Variants in GLRB observed in about 807,000 individuals in gnomAD.
GLRB encodes glycine receptor beta.
GLRB carries 33 observed loss-of-function variants against 54.2 expected under a neutral mutation model. The ratio of observed to expected loss-of-function variants is 0.61; its 90% confidence interval spans 0.46 to 0.81. The LOEUF (loss-of-function observed/expected upper bound fraction) is 0.81, where lower values mean the gene tolerates loss of function less well. Ranked by LOEUF, GLRB falls within the 40% of genes least tolerant of loss-of-function variation. The pLI is 0.00. For synonymous variants in GLRB, 209 were observed against 208.2 expected, an observed-to-expected ratio of 1.00 and a Z score of -0.03; for missense variants, 572 against 584.6, an observed-to-expected ratio of 0.98 and a Z score of 0.22.
intron 4 of GLRB, among the ~76,000 whole-genome samples, chr4:157,127,365 T>C (rs1345322059): frequency 6.6e-6 from 1 of 151,840 alleles, no homozygotes; most frequent in African/African-American, 2.4e-5. Flanking sequence ...ACTGATTTCA[T>C]ATTTATTTTT....
intron 9 of GLRB, among the ~76,000 whole-genome samples, 165 bp from the exon 10 acceptor site, chr4:157,170,267 C>G (rs564058768): frequency 8.5e-5 from 13 of 152,162 alleles, no homozygotes; most frequent in Non-Finnish European, 1.5e-4. Flanking sequence ...CCTAAATGCT[C>G]AGGCAATCTG....
Position 157,171,031 on chromosome 4 carries a change from G to A in GLRB, c.*303G>A, listed in dbSNP as rs531802317. 2 of 191,650 alleles carry A rather than the reference G, an allele frequency of 1.0e-5. No homozygotes were observed. The highest frequency in any genetic ancestry group is 1.7e-4 in the South Asian group (1 of 5,898). 11.9% of individuals were successfully genotyped at this position (191,650 alleles called of 1,614,324 possible). ...GTTAGTGTAAACTGCAAATACTACAGATAATTCTGATAATAAAATGATATG... is the reference window on the plus strand; with the variant it reads ...GTTAGTGTAAACTGCAAATACTACAAATAATTCTGATAATAAAATGATATG... On this transcript the variant is annotated 3_prime_UTR_variant, in exon 10 of 10. Transcript: ENST00000264428.
intron 9 of GLRB, among the ~76,000 whole-genome samples, chr4:157,161,124 G>T (rs966292630): frequency 6.6e-6 from 1 of 152,070 alleles, no homozygotes; most frequent in South Asian, 2.1e-4. Context: ...GTTGGTTTAA[G>T]TCTGTTTTAT....
rs199963290 is a variant in GLRB, at chr4:157,138,899, A to G, written c.701A>G (p.Lys234Arg). Residue 234 changes from lysine to arginine, a missense_variant, in exon 7 of 10, where the codon AAA becomes AGA. Transcript: ENST00000264428. ...EKIALPQFDI[K>R]KEDIEYGNCT... ...ATTGCCTTGCCTCAATTTGATATCA[A>G]AAAGGAAGATATTGAATATGGTAAC... The G allele has an allele frequency of 1.3e-5, 19 of 1,487,328 alleles. No individual in the cohort carries two copies. Among genetic ancestry groups the G allele is most frequent in the South Asian group, 4.5e-5 (4 of 87,980 alleles). 92.1% of individuals were successfully genotyped at this position (1,487,328 alleles called of 1,614,324 possible). A position where few individuals can be genotyped will look rare whatever the true frequency, so the allele number is the denominator to read the frequency against.
chr4:157,097,762 C>T (rs181491689), intron 2 of GLRB, among the ~76,000 whole-genome samples: 2 of 152,266 alleles, frequency 1.3e-5, no homozygotes, highest in East Asian at 1.9e-4. Context: ...GGCTCACGCC[C>T]GTAATCCCAG....
intron 8 of GLRB, 106 bp from the exon 9 acceptor site, chr4:157,152,612 A>T (rs1006409011): frequency 1.5e-5 from 13 of 867,466 alleles, no homozygotes; most frequent in Non-Finnish European, 2.6e-5. Flanking sequence ...CAAATTGTTC[A>T]TGGGTCATTG....
chr4:157,085,958 G>A (rs998405492), intron 2 of GLRB, among the ~76,000 whole-genome samples: 9 of 151,986 alleles, frequency 5.9e-5, no homozygotes, highest in African/African-American at 2.2e-4. Flanking sequence ...ATGTGTGTAG[G>A]TATGTATATA....
rs193296538 is a variant in GLRB, at chr4:157,167,893, A to T, written c.1198-2539A>T. The stretch of plus-strand genomic sequence containing the variant: ...ATGTCAGATGGCAAGAGTGGGAGTG[A>T]GAGGGAGGGCAGGTGCTAGGCTCTT... On this transcript the variant is annotated intron_variant, in intron 9 of 9. Coordinates refer to ENST00000264428, the MANE Select transcript of GLRB (RefSeq NM_000824.5). Among the ~76,000 whole-genome samples the T allele has an allele frequency of 3.5e-4, 54 of 152,196 alleles. No individual in the cohort carries two copies. In the East Asian group the frequency reaches 9.1e-3, roughly 26 times the overall value.
At chr4:157,109,731 C>T (rs1045127561) in intron 2 of GLRB, among the ~76,000 whole-genome samples, 8 of 151,964 alleles carry the variant, frequency 5.3e-5, no homozygotes, top group Admixed American at 5.3e-4. Flanking sequence ...CTGATCATGT[C>T]CTTGGGTTTG....
At chr4:157,140,295 T>G (rs953947023) in intron 7 of GLRB, among the ~76,000 whole-genome samples, 2 of 151,982 alleles carry the variant, frequency 1.3e-5, no homozygotes, top group Non-Finnish European at 2.9e-5. Flanking sequence ...AGCCACTCCT[T>G]TATTTAACAC....
At chr4:157,131,315 T>G (rs1303512253) in intron 4 of GLRB, among the ~76,000 whole-genome samples, 1 of 151,746 alleles carries the variant, frequency 6.6e-6, no homozygotes, top group Non-Finnish European at 1.5e-5. Flanking sequence ...TTTTTAAGAG[T>G]AGACTCGATG....
intron 8 of GLRB, among the ~76,000 whole-genome samples, chr4:157,149,485 T>TAAA (rs907334763): frequency 2.0e-5 from 3 of 152,122 alleles, no homozygotes; most frequent in Non-Finnish European, 2.9e-5. Flanking sequence ...TAGTTTCTGC[T>TAAA]AAAGGGAATA....
chr4:157,169,077 T>C (rs955319346), intron 9 of GLRB, among the ~76,000 whole-genome samples: 2 of 152,078 alleles, frequency 1.3e-5, no homozygotes, highest in Non-Finnish European at 2.9e-5. Context: ...TTTTATTTAT[T>C]GTGTGAGGTA....
intron 2 of GLRB, among the ~76,000 whole-genome samples, chr4:157,115,629 A>G (rs1015987845): frequency 1.3e-5 from 2 of 151,780 alleles, no homozygotes; most frequent in African/African-American, 4.8e-5. Flanking sequence ...GAATTTCTTA[A>G]CTTGTGGTCT....
intron 2 of GLRB, among the ~76,000 whole-genome samples, chr4:157,111,758 G>T (rs1010186017): frequency 4.0e-5 from 6 of 151,868 alleles, no homozygotes; most frequent in African/African-American, 1.5e-4. Flanking sequence ...AGAGTCATAT[G>T]CAGTCCCTCA....
chr4:157,077,556 A>G (rs900547040), intron 1 of GLRB, among the ~76,000 whole-genome samples: 3 of 152,112 alleles, frequency 2.0e-5, no homozygotes, highest in African/African-American at 7.2e-5. Context: ...ACTTCAAACA[A>G]TATAAAAATT....
intron 2 of GLRB, among the ~76,000 whole-genome samples, chr4:157,079,893 C>T (rs1330122656): frequency 1.3e-5 from 2 of 152,128 alleles, no homozygotes; most frequent in African/African-American, 4.8e-5. Flanking sequence ...GTCATATAGT[C>T]ACCGTAATTC....
chr4:157,162,678 C>G (rs560351662), intron 9 of GLRB, among the ~76,000 whole-genome samples: 3 of 152,258 alleles, frequency 2.0e-5, no homozygotes, highest in African/African-American at 7.2e-5. Flanking sequence ...AATGTTGCTG[C>G]CTGATCCTTC....
chr4:157,093,754 C>CAAAAAAA (rs70958808), intron 2 of GLRB, among the ~76,000 whole-genome samples: 6 of 60,828 alleles, frequency 9.9e-5, no homozygotes, highest in Non-Finnish European at 1.9e-4. Flanking sequence ...GACTCCATCT[C>CAAAAAAA]AAAAAAAAAA....
Sources: gnomAD v4.1 joint callset for allele counts (sites outside exome capture counted in the v4.1 genomes callset) on GRCh38, gnomAD v4.1.1 for gene constraint, MANE v1.5 for transcripts, NCBI Gene and HGNC (gene_info 2026-07-23, HGNC 2026-07-21) for gene names.